The following SPIRE1 variants were observed in gnomAD, a reference collection of about 807,000 sequenced individuals.
The protein encoded by SPIRE1 is spire type actin nucleation factor 1.
A neutral mutation model predicts 94.1 loss-of-function variants in SPIRE1; 40 were observed. The ratio of observed to expected loss-of-function variants is 0.43; its 90% CI spans 0.33 to 0.55. SPIRE1 has a LOEUF of 0.55. Ranked by LOEUF, SPIRE1 falls within the 20% of genes least tolerant of loss-of-function variation. The pLI is 0.06. For synonymous variants in SPIRE1, 376 were observed against 371.7 expected, an observed-to-expected ratio of 1.01 and a Z score of -0.13; for missense variants, 838 against 975.2, an observed-to-expected ratio of 0.86 and a Z score of 1.87.
chr18:12,631,838 C>A (rs1322480739), intron 2 of SPIRE1, among the ~76,000 whole-genome samples: 7 of 152,110 alleles, frequency 4.6e-5, no homozygotes, highest in Non-Finnish European at 1.0e-4. Context: ...GCACTCCAGT[C>A]TGGGTGACAG....
intron 2 of SPIRE1, among the ~76,000 whole-genome samples, chr18:12,603,915 C>T (rs2036905165): frequency 6.6e-6 from 1 of 152,194 alleles, no homozygotes; most frequent in East Asian, 1.9e-4. Context: ...TCCAACATAA[C>T]GAAGCTTCCC....
chr18:12,545,233 TTGTG>T (rs1381102229), intron 3 of SPIRE1, among the ~76,000 whole-genome samples: 1 of 152,174 alleles, frequency 6.6e-6, no homozygotes, highest in African/African-American at 2.4e-5. Flanking sequence ...TTCTATTTGT[TTGTG>T]TATTTATATA....
At chr18:12,482,090 A>C (rs2032863843) in intron 9 of SPIRE1, among the ~76,000 whole-genome samples, 1 of 152,192 alleles carries the variant, frequency 6.6e-6, no homozygotes, top group Admixed American at 6.5e-5. Flanking sequence ...GAGTTTCCCT[A>C]AGAATAGCAC....
chr18:12,650,383 ATC>A (rs918322781), intron 1 of SPIRE1, among the ~76,000 whole-genome samples: 1 of 152,098 alleles, frequency 6.6e-6, no homozygotes, highest in African/African-American at 2.4e-5. Context: ...ACATGGCAAA[ATC>A]TCTGTCTCTA....
At chr18:12,475,184 G>A (rs914855562) in intron 10 of SPIRE1, among the ~76,000 whole-genome samples, 1 of 152,156 alleles carries the variant, frequency 6.6e-6, no homozygotes, top group African/African-American at 2.4e-5. Flanking sequence ...AAAATGGAAA[G>A]CCCTCTGCTG....
At chr18:12,652,188 G>C (rs2038397866) in intron 1 of SPIRE1, among the ~76,000 whole-genome samples, 1 of 152,248 alleles carries the variant, frequency 6.6e-6, no homozygotes, top group South Asian at 2.1e-4. Context: ...TGAAGATCTA[G>C]ACTATAACCT....
intron 2 of SPIRE1, among the ~76,000 whole-genome samples, chr18:12,586,907 CTA>C (rs368737639): frequency 2.8e-4 from 42 of 152,232 alleles, no homozygotes; most frequent in African/African-American, 9.6e-4. Context: ...TTTCATGACT[CTA>C]GACACTTAAA....
chr18:12,476,449 G>T (rs1212793250), intron 10 of SPIRE1, among the ~76,000 whole-genome samples: 1 of 148,576 alleles, frequency 6.7e-6, no homozygotes, highest in Non-Finnish European at 1.5e-5. Context: ...GCTGAGACAG[G>T]AGAATCGCTT....
At chr18:12,496,508 C>T (rs1469027962) in intron 6 of SPIRE1, among the ~76,000 whole-genome samples, 4 of 152,072 alleles carry the variant, frequency 2.6e-5, no homozygotes, top group African/African-American at 9.7e-5. Context: ...CCGAGGCAGG[C>T]GGAACCCCTG....
chr18:12,650,526 T>C (rs773296558), intron 1 of SPIRE1, among the ~76,000 whole-genome samples: 3 of 151,902 alleles, frequency 2.0e-5, no homozygotes, highest in Non-Finnish European at 4.4e-5. Flanking sequence ...CTGGCTAATA[T>C]GGTGAAACCC....
chr18:12,625,925 C>T lies in SPIRE1; in HGVS notation c.372+9137G>A, dbSNP rs550189809. ...GGGCGTGGTGGCGGCTGCCTGTAAT[C>T]CCAGCTACTCAGGAGAATCACTTGA... is the stretch of plus-strand genomic sequence containing the variant. On this transcript the variant is annotated intron_variant, in intron 2 of 16. Transcript: ENST00000409402. 1.1e-4 allele frequency among the ~76,000 whole-genome samples: 16 copies of T among 152,144 alleles called. No homozygotes were observed. The South Asian group carries it at 3.3e-3, about 32-fold the overall frequency.
At position 12,449,603 on chromosome 18, in the gene SPIRE1, A is replaced by C; in HGVS notation, c.*35T>G. The C allele has an allele frequency of 1.2e-6, 2 of 1,603,074 alleles. No homozygotes were observed. The highest frequency in any genetic ancestry group is 1.7e-6 in the Non-Finnish European group (2 of 1,173,174). ...TCAGTGTCCTCGCGCACGGACGCTGACTCGTAGCACAAAAGCAGCTGAAAG... is the reference window on the plus strand; with the variant it reads ...TCAGTGTCCTCGCGCACGGACGCTGCCTCGTAGCACAAAAGCAGCTGAAAG... On this transcript the variant is annotated 3_prime_UTR_variant, in exon 17 of 17. Coordinates refer to ENST00000409402, the MANE Select transcript of SPIRE1 (RefSeq NM_001128626.2).
intron 5 of SPIRE1, among the ~76,000 whole-genome samples, chr18:12,509,443 T>C (rs1391222064): frequency 1.3e-5 from 2 of 152,188 alleles, no homozygotes; most frequent in Admixed American, 1.3e-4. Flanking sequence ...CAATTTAAAA[T>C]TTATTGGCCA....
chr18:12,559,188 T>TG lies in SPIRE1; in HGVS notation c.373-12285dup, dbSNP rs796385357. ...TAGGAGCCCACGGGGTGGGGTGGGG[T>TG]GGGGGGGCGCCGGCATGGCAGGCTG... is the stretch of plus-strand genomic sequence containing the variant. On this transcript the variant is annotated intron_variant, in intron 2 of 16. Coordinates refer to ENST00000409402, the MANE Select transcript of SPIRE1 (RefSeq NM_001128626.2). This position sits in a 1 kb window ranked among gnomAD's most constrained non-coding sequence, Gnocchi z 4.7. Among the ~76,000 whole-genome samples the TG allele has an allele frequency of 0.056, 1,245 of 22,414 alleles. 23 individuals are homozygous for TG. Among genetic ancestry groups the TG allele is most frequent in the African/African-American group, 0.13 (1,183 of 9,250 alleles). The allele number at this position is 22,414 out of a possible 152,430, so 14.7% of individuals were successfully genotyped here. A position where few individuals can be genotyped will look rare whatever the true frequency, so the allele number is the denominator to read the frequency against.
chr18:12,516,465 T>C (rs781257210), intron 4 of SPIRE1, among the ~76,000 whole-genome samples: 80 of 152,076 alleles, frequency 5.3e-4, no homozygotes, highest in Non-Finnish European at 1.0e-3. Context: ...CTGGAAAGGG[T>C]TGGAGAGGAA....
chr18:12,502,901 A>T (rs1020435454), intron 6 of SPIRE1, among the ~76,000 whole-genome samples: 2 of 152,082 alleles, frequency 1.3e-5, no homozygotes, highest in African/African-American at 4.8e-5. Flanking sequence ...TGAGGTTAGG[A>T]GTTCGAGACC....
chr18:12,649,149 C>T (rs2144883980), intron 1 of SPIRE1, among the ~76,000 whole-genome samples: 1 of 152,208 alleles, frequency 6.6e-6, no homozygotes, highest in Non-Finnish European at 1.5e-5. Flanking sequence ...CAGTGGCTCG[C>T]ACCTGCAATT....
intron 10 of SPIRE1, among the ~76,000 whole-genome samples, chr18:12,466,950 C>G (rs524623): frequency 0.74 from 112,236 of 151,982 alleles, 41,926 homozygotes; most frequent in Middle Eastern, 0.93. Flanking sequence ...AAGAACAGGG[C>G]GGAAAAAAAG....
Position 12,448,693 on chromosome 18 carries a change from T to G in SPIRE1, c.*945A>C, listed in dbSNP as rs2031067601. 1 of 152,196 alleles carries G rather than the reference T, an allele frequency of 6.6e-6. No homozygotes were observed. The highest frequency in any genetic ancestry group is 1.5e-5 in the Non-Finnish European group (1 of 68,034). The allele number at this position is 152,196 out of a possible 1,614,324, so 9.4% of individuals were successfully genotyped here. On this transcript the variant is annotated 3_prime_UTR_variant, in exon 17 of 17. Coordinates refer to ENST00000409402, the MANE Select transcript of SPIRE1 (RefSeq NM_001128626.2). The surrounding 1 kb of genome is among the most constrained non-coding windows in gnomAD (Gnocchi z 4.4). ...CCTAGGTACCAAATTGTGGCTTAAT[T>G]TACTCAAGATGGATGTACTACAAAG...
Sources: allele counts gnomAD v4.1 joint callset (sites outside exome capture counted in the v4.1 genomes callset), GRCh38; gene constraint gnomAD v4.1.1; non-coding constraint Gnocchi (gnomAD v3.1); transcripts MANE v1.5; gene names NCBI Gene and HGNC (gene_info 2026-07-23, HGNC 2026-07-21).